Variants in TMEM108 observed in about 807,000 individuals in gnomAD.
TMEM108 encodes the protein transmembrane protein 108.
Under a neutral mutation model 35.1 loss-of-function variants are expected in TMEM108, and 12 were observed. The observed-to-expected ratio is 0.34, with a 90% CI of 0.22 to 0.55. The LOEUF (loss-of-function observed/expected upper bound fraction) is 0.55. TMEM108 is among the 20% of genes least tolerant of loss of function. TMEM108 has a pLI of 0.89. For missense variants in TMEM108, 680 were observed against 753.3 expected (o/e 0.90, Z 1.14); for synonymous variants, 287 against 308.6 (o/e 0.93, Z 0.73).
chr3:133,252,691 A>C (rs942302055), intron 3 of TMEM108, among the ~76,000 whole-genome samples: 3 of 152,164 alleles, frequency 2.0e-5, no homozygotes, highest in Non-Finnish European at 4.4e-5. Flanking sequence ...TCAAGGAGTT[A>C]TGACATTTTG....
In TMEM108 at chr3:133,369,006, T is replaced by G. The variant is rs149838915; in HGVS notation, c.41-10746T>G. 3.0e-4 allele frequency among the ~76,000 whole-genome samples: 46 copies of G among 152,368 alleles called. 1 individual carries two copies. Among genetic ancestry groups the G allele is most frequent in the African/African-American group, 9.6e-4 (40 of 41,586 alleles). On this transcript the variant is annotated intron_variant, in intron 3 of 5. Transcript: ENST00000321871. ...GCATATTCCTACCCTAAAAGCACTC[T>G]GCACATAGGCATTATTTTCCTTCTC... is the stretch of plus-strand genomic sequence containing the variant.
chr3:133,272,213 C>T (rs1008110178), intron 3 of TMEM108, among the ~76,000 whole-genome samples: 11 of 149,376 alleles, frequency 7.4e-5, no homozygotes, highest in Non-Finnish European at 1.3e-4. Flanking sequence ...GGTAATGGGG[C>T]GGAGGGGTAT....
chr3:133,291,689 C>CT (rs1947071646), intron 3 of TMEM108, among the ~76,000 whole-genome samples: 1 of 152,090 alleles, frequency 6.6e-6, no homozygotes, highest in South Asian at 2.1e-4. Flanking sequence ...TTATAAGCCC[C>CT]TTAGATGTCC....
At position 133,319,613 on chromosome 3, in the gene TMEM108, C is replaced by G. The variant is rs369932209; in HGVS notation, c.41-60139C>G. On this transcript the variant is annotated intron_variant, in intron 3 of 5. Transcript: ENST00000321871. ...AAACATATCTAAAACCAAGGACTCT[C>G]ACAGAGTCTACTTCACTCCCCTGCC... Among the ~76,000 whole-genome samples the G allele has an allele frequency of 5.3e-5, 8 of 152,326 alleles. 1 individual carries two copies. The highest frequency in any genetic ancestry group is 1.9e-4 in the African/African-American group (8 of 41,560).
intron 2 of TMEM108, among the ~76,000 whole-genome samples, chr3:133,094,728 C>T (rs373995213): frequency 4.6e-5 from 7 of 152,210 alleles, no homozygotes; most frequent in South Asian, 2.1e-4. Context: ...TCCTTCAACA[C>T]GCAGGTTAAA....
At chr3:133,118,196 TTGTCTG>T (rs1944310992) in intron 2 of TMEM108, among the ~76,000 whole-genome samples, 8 of 152,130 alleles carry the variant, frequency 5.3e-5, no homozygotes, top group Admixed American at 5.2e-4. Context: ...TTACTGTAGG[TTGTCTG>T]GTTTCTGGGG....
chr3:133,297,480 C>T (rs1391066294), intron 3 of TMEM108, among the ~76,000 whole-genome samples: 1 of 152,150 alleles, frequency 6.6e-6, no homozygotes, highest in East Asian at 1.9e-4. Flanking sequence ...GTCGCTTCCT[C>T]TCACTAAACA....
intron 2 of TMEM108, among the ~76,000 whole-genome samples, chr3:133,227,042 C>T (rs1404851388): frequency 6.6e-6 from 1 of 152,112 alleles, no homozygotes; most frequent in Non-Finnish European, 1.5e-5. Flanking sequence ...GGGAAAGACC[C>T]ACCCCCGTGA....
intron 2 of TMEM108, among the ~76,000 whole-genome samples, chr3:133,127,461 G>A (rs1944431767): frequency 6.6e-6 from 1 of 151,638 alleles, no homozygotes; most frequent in Non-Finnish European, 1.5e-5. Flanking sequence ...TCGTAAGTGT[G>A]GAACCACAGA....
intron 1 of TMEM108, among the ~76,000 whole-genome samples, chr3:133,044,687 G>A (rs1943313768): frequency 1.3e-5 from 2 of 152,186 alleles, no homozygotes; most frequent in South Asian, 4.1e-4. Context: ...GGTGGCTCGT[G>A]CCTTTGAGAA....
intron 4 of TMEM108, chr3:133,389,290 A>T: frequency 1.0e-6 from 1 of 985,468 alleles, no homozygotes; most frequent in Non-Finnish European, 1.2e-6. Flanking sequence ...ACAGGGTCAC[A>T]TGTCACACTG....
intron 2 of TMEM108, among the ~76,000 whole-genome samples, chr3:133,157,614 G>A (rs1944899997): frequency 6.6e-6 from 1 of 152,112 alleles, no homozygotes; most frequent in Non-Finnish European, 1.5e-5. Context: ...TGGTGCTTGA[G>A]ACCCATGGAA....
intron 2 of TMEM108, among the ~76,000 whole-genome samples, chr3:133,144,703 A>G (rs998699229): frequency 1.3e-5 from 2 of 152,200 alleles, no homozygotes; most frequent in African/African-American, 2.4e-5. Context: ...TTTGATTTGC[A>G]TTTCCCTAAT....
At chr3:133,084,886 G>A (rs1410266279) in intron 2 of TMEM108, among the ~76,000 whole-genome samples, 3 of 152,164 alleles carry the variant, frequency 2.0e-5, no homozygotes, top group Admixed American at 1.3e-4. Context: ...ATAGTGCAAA[G>A]GGGGAAGGGG....
chr3:133,176,255 C>T (rs1456955296), intron 2 of TMEM108, among the ~76,000 whole-genome samples: 11 of 152,134 alleles, frequency 7.2e-5, no homozygotes, highest in Non-Finnish European at 7.4e-5. Context: ...CAACATTAGA[C>T]AGATCAACAA....
chr3:133,219,258 T>C (rs1217771545), intron 2 of TMEM108, among the ~76,000 whole-genome samples: 2 of 152,102 alleles, frequency 1.3e-5, no homozygotes. Flanking sequence ...CTTTGAGTAT[T>C]CTCTTTTCTT....
At chr3:133,233,348 G>A (rs1350123326) in intron 3 of TMEM108, among the ~76,000 whole-genome samples, 1 of 150,984 alleles carries the variant, frequency 6.6e-6, no homozygotes, top group African/African-American at 2.4e-5. Flanking sequence ...TTTCATCCAT[G>A]TCCCTACAAA....
chr3:133,338,407 T>A (rs890722572), intron 3 of TMEM108, among the ~76,000 whole-genome samples: 1 of 152,098 alleles, frequency 6.6e-6, no homozygotes, highest in Non-Finnish European at 1.5e-5. Context: ...CATGACATAT[T>A]TAAAGTACTG....
At chr3:133,130,560 G>GA (rs1286246342) in intron 2 of TMEM108, among the ~76,000 whole-genome samples, 6 of 151,638 alleles carry the variant, frequency 4.0e-5, no homozygotes, top group African/African-American at 1.5e-4. Context: ...TGACCCAAGA[G>GA]AAAAAAAAGC....
Sources: allele counts gnomAD v4.1 joint callset (sites outside exome capture counted in the v4.1 genomes callset), GRCh38; gene constraint gnomAD v4.1.1; transcripts MANE v1.5; gene names NCBI Gene and HGNC (gene_info 2026-07-23, HGNC 2026-07-21).